The following NCAM2 variants were observed in gnomAD, a reference collection of about 807,000 sequenced individuals.
The protein encoded by NCAM2 is N-CAM-2.
A neutral mutation model predicts 98.1 loss-of-function variants in NCAM2; 30 were observed. The ratio of observed to expected loss-of-function variants is 0.31; its 90% confidence interval spans 0.23 to 0.41. NCAM2 has a LOEUF of 0.41. Ranked by LOEUF, NCAM2 falls within the 10% of genes least tolerant of loss-of-function variation. NCAM2 has a pLI of 1.00. For missense variants in NCAM2, 867 were observed against 1,005.8 expected, an observed-to-expected ratio of 0.86 and a Z score of 1.87; for synonymous variants, 368 against 342.4, an observed-to-expected ratio of 1.07 and a Z score of -0.83.
chr21:21,338,651 G>T (rs1672245799), intron 8 of NCAM2, 117 bp downstream of exon 8: 5 of 1,092,864 alleles, frequency 4.6e-6, no homozygotes, highest in East Asian at 2.9e-5. Context: ...TCAAATAAAT[G>T]GTTTGATTTT....
intron 1 of NCAM2, among the ~76,000 whole-genome samples, chr21:21,143,258 A>C (rs534819658): frequency 6.6e-6 from 1 of 152,056 alleles, no homozygotes; most frequent in East Asian, 1.9e-4. Context: ...TTGTTTCTTT[A>C]TTATTTTCAT....
At chr21:21,275,471 AG>A (rs2072694655) in intron 1 of NCAM2, among the ~76,000 whole-genome samples, 1 of 151,772 alleles carries the variant, frequency 6.6e-6, no homozygotes, top group Non-Finnish European at 1.5e-5. Flanking sequence ...AAATAAAAAA[AG>A]AAAAATAAAA....
Position 21,142,600 on chromosome 21 carries a change from T to C in NCAM2, c.56-137978T>C, listed in dbSNP as rs557384945. Among the ~76,000 whole-genome samples, 4 of 152,110 alleles carry C rather than the reference T, an allele frequency of 2.6e-5. No homozygotes were observed. In the East Asian group the frequency reaches 5.8e-4, roughly 22 times the overall value. On this transcript the variant is annotated intron_variant, in intron 1 of 17. Transcript: ENST00000400546. ...TTCACCATGTTAGCCAGGATGGTCT[T>C]GATCTCCTGACCTCGTGATCCGCCC...
intron 1 of NCAM2, among the ~76,000 whole-genome samples, chr21:21,109,510 C>A (rs1157884744): frequency 2.0e-5 from 3 of 151,966 alleles, no homozygotes; most frequent in Non-Finnish European, 4.4e-5. Flanking sequence ...AAAAGTATTT[C>A]TAATTTTATT....
intron 1 of NCAM2, among the ~76,000 whole-genome samples, chr21:21,011,688 A>G (rs919449907): frequency 1.3e-5 from 2 of 152,122 alleles, no homozygotes; most frequent in Non-Finnish European, 2.9e-5. Context: ...AACAGAATGA[A>G]AAGACTAACT....
intron 5 of NCAM2, among the ~76,000 whole-genome samples, chr21:21,309,242 T>C (rs1020978213): frequency 2.0e-5 from 3 of 152,218 alleles, no homozygotes; most frequent in Non-Finnish European, 2.9e-5. Flanking sequence ...GGATGCTAGA[T>C]GTTATAAATG....
chr21:21,179,836 G>A (rs890808112), intron 1 of NCAM2, among the ~76,000 whole-genome samples: 2 of 152,212 alleles, frequency 1.3e-5, no homozygotes, highest in African/African-American at 4.8e-5. Flanking sequence ...CACAGAGGGC[G>A]TACTCATCTG....
intron 1 of NCAM2, among the ~76,000 whole-genome samples, chr21:21,264,761 T>TATATTCCACTATATATATACATATATAA (rs2072069630): frequency 1.6e-4 from 1 of 6,296 alleles, no homozygotes; most frequent in African/African-American, 7.5e-4. Flanking sequence ...TACATATATA[T>TATATTCCACTATATATATACATATATAA]ATATTCCACT....
intron 1 of NCAM2, among the ~76,000 whole-genome samples, chr21:21,159,394 A>G (rs538197507): frequency 1.3e-5 from 2 of 152,278 alleles, no homozygotes; most frequent in Non-Finnish European, 2.9e-5. Flanking sequence ...CATTCACTCA[A>G]AACTCACTCA....
At chr21:21,117,625 A>C (rs2066590660) in intron 1 of NCAM2, among the ~76,000 whole-genome samples, 1 of 152,228 alleles carries the variant, frequency 6.6e-6, no homozygotes, top group South Asian at 2.1e-4. Context: ...AATCATGCTA[A>C]GTAAAATAAG....
intron 1 of NCAM2, among the ~76,000 whole-genome samples, chr21:21,052,234 G>GCCCACTGCAAGCTCCGCCT (rs2065126129): frequency 7.1e-6 from 1 of 140,950 alleles, no homozygotes; most frequent in Non-Finnish European, 1.5e-5. Context: ...CAACATCTCG[G>GCCCACTGCAAGCTCCGCCT]CCCACTGCAA....
intron 1 of NCAM2, among the ~76,000 whole-genome samples, chr21:21,008,989 T>TA (rs1329318120): frequency 2.6e-5 from 4 of 152,142 alleles, no homozygotes; most frequent in African/African-American, 9.7e-5. Flanking sequence ...ACTTCAAACT[T>TA]ACGGTACTTT....
chr21:21,091,313 C>A lies in NCAM2; in HGVS notation c.55+92695C>A, dbSNP rs2066007805. On this transcript the variant is annotated intron_variant, in intron 1 of 17. Transcript: ENST00000400546. ...TTTATTTTATGCATTAGATACACAA[C>A]CTACTTCTGGGTTATTTATTTTTCT... Among the ~76,000 whole-genome samples the A allele has an allele frequency of 2.0e-5, 3 of 152,170 alleles. No homozygotes were observed. The South Asian group carries it at 6.2e-4, about 32-fold the overall frequency.
chr21:21,171,676 C>T (rs769656796), intron 1 of NCAM2, among the ~76,000 whole-genome samples: 2 of 152,092 alleles, frequency 1.3e-5, no homozygotes, highest in African/African-American at 2.4e-5. Context: ...CAGTAGGCAT[C>T]TGACAAGATT....
intron 1 of NCAM2, among the ~76,000 whole-genome samples, chr21:21,151,243 T>C (rs2067439799): frequency 6.6e-6 from 1 of 152,082 alleles, no homozygotes; most frequent in African/African-American, 2.4e-5. Flanking sequence ...TGTTCCAGAA[T>C]ATTAAGTATC....
chr21:21,406,462 A>C (rs1198579429), intron 9 of NCAM2, among the ~76,000 whole-genome samples: 3 of 152,170 alleles, frequency 2.0e-5, no homozygotes. Flanking sequence ...ATTCTTTGCT[A>C]CTGGCAAGCC....
chr21:21,416,522 AAC>A (rs1491521778), intron 10 of NCAM2, among the ~76,000 whole-genome samples: 2 of 151,950 alleles, frequency 1.3e-5, no homozygotes, highest in Non-Finnish European at 2.9e-5. Flanking sequence ...AAAAAAGAAA[AAC>A]ACTATCTTTC....
At chr21:21,159,246 AAAT>A (rs538164347) in intron 1 of NCAM2, among the ~76,000 whole-genome samples, 3 of 152,324 alleles carry the variant, frequency 2.0e-5, no homozygotes, top group Admixed American at 2.0e-4. Context: ...AAATTTTAAA[AAAT>A]AAAAAAGTTA....
chr21:21,210,683 A>G, intron 1 of NCAM2: 1 of 1,258,392 alleles, frequency 7.9e-7, no homozygotes, highest in Non-Finnish European at 1.0e-6. Context: ...GAGACTTATT[A>G]CAGGACAGGT....
Sources: allele counts gnomAD v4.1 joint callset (sites outside exome capture counted in the v4.1 genomes callset), GRCh38; gene constraint gnomAD v4.1.1; transcripts MANE v1.5; gene names NCBI Gene and HGNC (gene_info 2026-07-23, HGNC 2026-07-21).